Variants in PCDHGA3 observed in about 807,000 individuals in gnomAD.
PCDHGA3 encodes protocadherin gamma-A3.
Under a neutral mutation model 58.5 loss-of-function variants are expected in PCDHGA3, and 40 were observed. The observed-to-expected ratio is 0.68, with a 90% CI of 0.53 to 0.89. The LOEUF (loss-of-function observed/expected upper bound fraction) is 0.89. Among genes scored for constraint, PCDHGA3 ranks in the 40% least tolerant of loss-of-function variants. The pLI, the probability that PCDHGA3 is intolerant of heterozygous loss-of-function variation, is 0.00. For synonymous variants in PCDHGA3, 530 were observed against 525.7 expected (o/e 1.01, Z -0.11); for missense variants, 1,223 against 1,195.9 (o/e 1.02, Z -0.33).
intron 1 of PCDHGA3, among the ~76,000 whole-genome samples, chr5:141,458,102 A>G (rs1314999618): frequency 6.6e-6 from 1 of 152,246 alleles, no homozygotes; most frequent in Admixed American, 6.5e-5. Context: ...GTACTTACAG[A>G]TAGTCTCCAA....
Position 141,477,780 on chromosome 5 carries a change from T to C in PCDHGA3, c.2425-17027T>C. On this transcript the variant is annotated intron_variant, in intron 1 of 3. Coordinates refer to ENST00000253812, the MANE Select transcript of PCDHGA3 (RefSeq NM_018916.4). The surrounding 1 kb of genome is among the most constrained non-coding windows in gnomAD (Gnocchi z 4.9). ...CTAGCCACCAACATCAGCGTGAACA[T>C]ATTTGTCACTGATCGCAATGACAAT... 6.2e-7 allele frequency: 1 copy of C among 1,614,048 alleles called. No homozygotes were observed. Among genetic ancestry groups the C allele is most frequent in the Non-Finnish European group, 8.5e-7 (1 of 1,180,030 alleles).
chr5:141,487,181 C>T lies in PCDHGA3; in HGVS notation c.2425-7626C>T. 3 of 1,612,732 alleles carry T rather than the reference C, an allele frequency of 1.9e-6. No individual in the cohort carries two copies. The highest frequency in any genetic ancestry group is 1.1e-5 in the South Asian group (1 of 91,060). ...CTTAGTGTCCTTAGAGGAAGACACT[C>T]ATCCAGTTGTCCCAGATCTTCGAGA... On this transcript the variant is annotated intron_variant, in intron 1 of 3. Transcript: ENST00000253812. This position sits in a 1 kb window ranked among gnomAD's most constrained non-coding sequence, Gnocchi z 5.0.
chr5:141,505,283 G>A, intron 2 of PCDHGA3, 110 bp from the exon 3 acceptor site: 5 of 1,547,446 alleles, frequency 3.2e-6, no homozygotes, highest in Non-Finnish European at 3.5e-6. Flanking sequence ...ACAGGTCTTG[G>A]GCATGGGGTA....
chr5:141,375,724 A>T (rs1771805917), intron 1 of PCDHGA3: 1 of 1,614,144 alleles, frequency 6.2e-7, no homozygotes, highest in Non-Finnish European at 8.5e-7. Flanking sequence ...GCAACGTGTC[A>T]CTGAGCCTGT....
At chr5:141,417,997 G>T in intron 1 of PCDHGA3, 1 of 1,613,872 alleles carries the variant, frequency 6.2e-7, no homozygotes, top group Non-Finnish European at 8.5e-7. Context: ...AGGGCTCGGT[G>T]GTGGGGAACC....
intron 1 of PCDHGA3, chr5:141,418,237 T>G (rs1470328670): frequency 6.2e-7 from 1 of 1,614,044 alleles, no homozygotes. Context: ...TTGAGGATGT[T>G]AATGACCACG....
intron 1 of PCDHGA3, among the ~76,000 whole-genome samples, chr5:141,435,833 A>G (rs1354866725): frequency 6.6e-6 from 1 of 152,112 alleles, no homozygotes; most frequent in Non-Finnish European, 1.5e-5. Flanking sequence ...TTTGCTGCCT[A>G]TCTACTTTGA....
At chr5:141,409,148 A>C (rs2154541051) in intron 1 of PCDHGA3, 1 of 1,614,056 alleles carries the variant, frequency 6.2e-7, no homozygotes. Context: ...AGAAAGGTAC[A>C]CCATGGAAGT....
intron 1 of PCDHGA3, chr5:141,409,728 C>T: frequency 6.2e-7 from 1 of 1,613,134 alleles, no homozygotes; most frequent in Non-Finnish European, 8.5e-7. Flanking sequence ...TCAGTGAGCG[C>T]GCAGAGCGGG....
chr5:141,357,179 T>A, intron 1 of PCDHGA3: 1 of 1,613,702 alleles, frequency 6.2e-7, no homozygotes, highest in Non-Finnish European at 8.5e-7. Flanking sequence ...ACCGTCACAC[T>A]CACTGTGGCT....
chr5:141,369,703 A>C (rs757750981), intron 1 of PCDHGA3, among the ~76,000 whole-genome samples: 1 of 152,372 alleles, frequency 6.6e-6, no homozygotes, highest in East Asian at 1.9e-4. Context: ...AAAAGCTATG[A>C]CATTATAACT....
chr5:141,481,901 G>A (rs1297925755), intron 1 of PCDHGA3, among the ~76,000 whole-genome samples: 2 of 125,298 alleles, frequency 1.6e-5, no homozygotes, highest in Non-Finnish European at 3.2e-5. Context: ...GTGAAAGAGC[G>A]AAACTCCATC....
At chr5:141,502,140 G>A (rs534984161) in intron 2 of PCDHGA3, among the ~76,000 whole-genome samples, 1 of 152,268 alleles carries the variant, frequency 6.6e-6, no homozygotes, top group South Asian at 2.1e-4. Context: ...CAGTCGGGCC[G>A]GAAGTAAGGA....
At chr5:141,388,497 C>T (rs2091382933) in intron 1 of PCDHGA3, 34 of 1,613,702 alleles carry the variant, frequency 2.1e-5, no homozygotes, top group Middle Eastern at 1.6e-4. Flanking sequence ...CAGAGAAAAG[C>T]AGAAATCCTA....
intron 1 of PCDHGA3, chr5:141,387,672 C>T (rs1222648666): frequency 5.7e-6 from 4 of 707,372 alleles, no homozygotes; most frequent in Non-Finnish European, 9.1e-6. Flanking sequence ...CTCCAGATCT[C>T]CTCGCGCAGC....
intron 1 of PCDHGA3, among the ~76,000 whole-genome samples, chr5:141,492,886 C>A (rs1479930324): frequency 6.6e-6 from 1 of 152,178 alleles, no homozygotes; most frequent in African/African-American, 2.4e-5. Context: ...GAGATACAGG[C>A]TTTTGGCGCC....
intron 1 of PCDHGA3, among the ~76,000 whole-genome samples, chr5:141,401,668 A>G (rs2094180828): frequency 6.6e-6 from 1 of 152,254 alleles, no homozygotes; most frequent in Non-Finnish European, 1.5e-5. Flanking sequence ...TTTTCTCAAC[A>G]TCCTTGTAGG....
intron 1 of PCDHGA3, chr5:141,423,349 T>A (rs2096733716): frequency 6.2e-7 from 1 of 1,614,196 alleles, no homozygotes; most frequent in East Asian, 2.2e-5. Context: ...CTTCCTGGTC[T>A]TTGTCATCGT....
chr5:141,475,577 T>C (rs2099365697), intron 1 of PCDHGA3, among the ~76,000 whole-genome samples: 1 of 152,228 alleles, frequency 6.6e-6, no homozygotes, highest in Non-Finnish European at 1.5e-5. Context: ...ACAAGCCAGA[T>C]TTGTTGGTGT....
Sources: gnomAD v4.1 joint callset for allele counts (sites outside exome capture counted in the v4.1 genomes callset) on GRCh38, gnomAD v4.1.1 for gene constraint, Gnocchi (gnomAD v3.1) non-coding constraint, MANE v1.5 for transcripts, NCBI Gene and HGNC (gene_info 2026-07-23, HGNC 2026-07-21) for gene names.